The following COL5A2 variants were observed in gnomAD, a reference collection of about 807,000 sequenced individuals.
COL5A2 encodes collagen type V alpha 2 chain.
Under a neutral mutation model 208.2 loss-of-function variants are expected in COL5A2, and 23 were observed. The ratio of observed to expected loss-of-function variants is 0.11; its 90% CI spans 0.08 to 0.16. The LOEUF (loss-of-function observed/expected upper bound fraction) is 0.16, where lower values mean the gene tolerates loss of function less well. COL5A2 is among the 10% of genes least tolerant of loss of function. The probability of loss-of-function intolerance (pLI) is 1.00; values close to 1 mark genes in which losing one functional copy is unlikely to be tolerated. For synonymous variants in COL5A2, 625 were observed against 628.5 expected (o/e 0.99, Z 0.08); for missense variants, 1,590 against 1,956.4 (o/e 0.81, Z 3.53).
chr2:189,080,073 T>C, intron 13 of COL5A2, 42 bp from the exon 14 acceptor site: 1 of 1,531,326 alleles, frequency 6.5e-7, no homozygotes, highest in Non-Finnish European at 9.0e-7. Flanking sequence ...TCCTGTTTTT[T>C]TCAATCCTCA....
chr2:189,137,208 A>G (rs1430019331), intron 1 of COL5A2, among the ~76,000 whole-genome samples: 1 of 152,236 alleles, frequency 6.6e-6, no homozygotes, highest in Non-Finnish European at 1.5e-5. Flanking sequence ...TCTTGAGTGA[A>G]TTATCATTGG....
chr2:189,320,629 A>G, the COL5A2 span, among the ~76,000 whole-genome samples: 1 of 152,246 alleles, frequency 6.6e-6, no homozygotes, highest in African/African-American at 2.4e-5. Context: ...AAGAATAAGA[A>G]GAAATCAACA....
At chr2:189,389,791 C>T in the COL5A2 span, among the ~76,000 whole-genome samples, 1 of 152,036 alleles carries the variant, frequency 6.6e-6, no homozygotes, top group Non-Finnish European at 1.5e-5. Context: ...AATGCTATTC[C>T]AATATAAACT....
chr2:189,305,958 A>C, the COL5A2 span, among the ~76,000 whole-genome samples: 1 of 152,170 alleles, frequency 6.6e-6, no homozygotes. Flanking sequence ...TTCACTTTAC[A>C]GGAGAAAAGT....
At chr2:189,081,486 G>A (rs991632930) in intron 12 of COL5A2, among the ~76,000 whole-genome samples, 6 of 152,194 alleles carry the variant, frequency 3.9e-5, no homozygotes, top group East Asian at 1.9e-4. Flanking sequence ...TATGGTACAC[G>A]ATTAAATGTC....
At chr2:189,382,678 G>A in the COL5A2 span, among the ~76,000 whole-genome samples, 37 of 152,334 alleles carry the variant, frequency 2.4e-4, no homozygotes, top group Admixed American at 2.0e-3. Context: ...AGTGGGCTGA[G>A]TCTGGGAAAA....
chr2:189,261,558 T>C, the COL5A2 span, among the ~76,000 whole-genome samples: 1 of 152,208 alleles, frequency 6.6e-6, no homozygotes, highest in African/African-American at 2.4e-5. Flanking sequence ...ACAATGCATA[T>C]GAATCAGATG....
chr2:189,193,196 A>C (rs1421986044), intron 1 of COL5A2, among the ~76,000 whole-genome samples: 3 of 152,246 alleles, frequency 2.0e-5, no homozygotes, highest in African/African-American at 4.8e-5. Flanking sequence ...CTAAGAAATC[A>C]ATAAGCAATG....
chr2:189,185,646 G>A (rs1050850086), intron 1 of COL5A2, among the ~76,000 whole-genome samples: 7 of 152,152 alleles, frequency 4.6e-5, no homozygotes, highest in African/African-American at 1.4e-4. Flanking sequence ...TAAAACCCAC[G>A]AGCATGTTCT....
the COL5A2 span, among the ~76,000 whole-genome samples, chr2:189,315,407 T>C: frequency 8.0e-4 from 121 of 152,194 alleles, no homozygotes; most frequent in South Asian, 2.5e-3. Context: ...AAATTCCCTA[T>C]AACTAGGTAT....
intron 1 of COL5A2, among the ~76,000 whole-genome samples, chr2:189,124,830 C>T (rs900105503): frequency 3.3e-5 from 5 of 150,356 alleles, no homozygotes; most frequent in African/African-American, 7.3e-5. Context: ...TGTTTAGTAA[C>T]GGTCAGGTTA....
chr2:189,202,791 G>A (rs1488854199), intron 1 of COL5A2, among the ~76,000 whole-genome samples: 6 of 151,970 alleles, frequency 3.9e-5, no homozygotes, highest in Admixed American at 3.3e-4. Context: ...GCAGGAAAGT[G>A]GAATCAGAGA....
chr2:189,042,643 C>T (rs562649312), intron 49 of COL5A2, 77 bp downstream of exon 49: 205 of 1,387,798 alleles, frequency 1.5e-4, no homozygotes, highest in East Asian at 8.4e-4. Flanking sequence ...ACCAGGAAAA[C>T]GATACTCAAG....
the COL5A2 span, among the ~76,000 whole-genome samples, chr2:189,251,266 A>C: frequency 1.3e-5 from 2 of 152,226 alleles, no homozygotes; most frequent in Admixed American, 6.5e-5. Flanking sequence ...CAGTGTGTAA[A>C]TGAGAGACAG....
upstream of COL5A2, among the ~76,000 whole-genome samples, chr2:189,228,610 A>C (rs1035639057): frequency 3.3e-5 from 5 of 151,898 alleles, no homozygotes; most frequent in Non-Finnish European, 7.4e-5. Flanking sequence ...GAACTGGATC[A>C]TAAAGAAACA....
At chr2:189,123,576 T>C (rs1234574247) in intron 1 of COL5A2, among the ~76,000 whole-genome samples, 1 of 152,178 alleles carries the variant, frequency 6.6e-6, no homozygotes, top group Non-Finnish European at 1.5e-5. Flanking sequence ...TGTGGTACTT[T>C]GTTATCAAGC....
At chr2:189,162,335 T>C (rs1688382865) in intron 1 of COL5A2, among the ~76,000 whole-genome samples, 1 of 152,226 alleles carries the variant, frequency 6.6e-6, no homozygotes. Flanking sequence ...AAATGCCTCA[T>C]AACTTGCATG....
At chr2:189,050,490 G>T in intron 43 of COL5A2, 79 bp downstream of exon 43, 1 of 1,204,512 alleles carries the variant, frequency 8.3e-7, no homozygotes, top group Non-Finnish European at 1.2e-6. Context: ...TATTCATCAA[G>T]CAAAAAAAAT....
intron 3 of COL5A2, among the ~76,000 whole-genome samples, chr2:189,103,611 T>C (rs1011873118): frequency 6.6e-6 from 1 of 152,044 alleles, no homozygotes; most frequent in African/African-American, 2.4e-5. Flanking sequence ...CTTCGTAGGA[T>C]TACCTTATTG....
Sources: gnomAD v4.1 joint callset for allele counts (sites outside exome capture counted in the v4.1 genomes callset) on GRCh38, gnomAD v4.1.1 for gene constraint, MANE v1.5 for transcripts, NCBI Gene and HGNC (gene_info 2026-07-23, HGNC 2026-07-21) for gene names.